MEI4: variants seen among roughly 807,000 people sequenced by gnomAD.
The protein encoded by MEI4 is meiosis-specific protein MEI4.
Under a neutral mutation model 31.4 loss-of-function variants are expected in MEI4, and 27 were observed. That is an observed-to-expected ratio of 0.86 (90% CI 0.63 to 1.19). MEI4 has a LOEUF of 1.19. MEI4 is among the 50% of genes most tolerant of loss of function. The probability of loss-of-function intolerance (pLI) is 0.00; values close to 1 mark genes in which losing one functional copy is unlikely to be tolerated. For synonymous variants in MEI4, 122 were observed against 145.4 expected, an observed-to-expected ratio of 0.84 and a Z score of 1.16; for missense variants, 329 against 398.9, an observed-to-expected ratio of 0.82 and a Z score of 1.49.
At chr6:77,871,470 T>C (rs959169092) in intron 4 of MEI4, among the ~76,000 whole-genome samples, 1 of 152,172 alleles carries the variant, frequency 6.6e-6, no homozygotes, top group Non-Finnish European at 1.5e-5. Flanking sequence ...CCACATGTTC[T>C]CATTTATAAG....
At chr6:77,651,458 G>A (rs903626698), upstream of MEI4, among the ~76,000 whole-genome samples, 3 of 152,158 alleles carry the variant, frequency 2.0e-5, no homozygotes, top group East Asian at 5.8e-4. Flanking sequence ...TTCATAAAAT[G>A]CACATAACGT....
chr6:77,690,966 A>G, intron 2 of MEI4, 63 bp downstream of exon 2: 1 of 856,564 alleles, frequency 1.2e-6, no homozygotes. Context: ...TTGCACAATT[A>G]TTTAGAAATG....
chr6:77,739,331 A>T (rs1210783632), intron 2 of MEI4, among the ~76,000 whole-genome samples: 1 of 152,134 alleles, frequency 6.6e-6, no homozygotes, highest in Non-Finnish European at 1.5e-5. Context: ...ACTATTTATT[A>T]AATAGGGAAT....
At chr6:77,880,844 T>G in intron 4 of MEI4, among the ~76,000 whole-genome samples, 1 of 152,146 alleles carries the variant, frequency 6.6e-6, no homozygotes, top group East Asian at 1.9e-4. Context: ...TTTTCCTTTC[T>G]GAGTTATTCA....
chr6:77,807,147 GTTT>G (rs11336125), intron 3 of MEI4, among the ~76,000 whole-genome samples: 1 of 142,994 alleles, frequency 7.0e-6, no homozygotes, highest in East Asian at 2.1e-4. Flanking sequence ...TGCTTCATAA[GTTT>G]TTTTTTTTTT....
In MEI4 at chr6:77,737,044, A is replaced by G. The variant is rs980664526; in HGVS notation, c.233-24086A>G. On this transcript the variant is annotated intron_variant, in intron 2 of 4. Transcript: ENST00000684080. The stretch of plus-strand genomic sequence containing the variant: ...AGGAGGTGTTCTAGAAAATAAGATG[A>G]CAAACTAGGTTGAAGCCTAGTAAGA... Among the ~76,000 whole-genome samples, 5 of 152,296 alleles carry G rather than the reference A, an allele frequency of 3.3e-5. No homozygotes were observed. In the East Asian group the frequency reaches 9.7e-4, roughly 29 times the overall value.
intron 2 of MEI4, among the ~76,000 whole-genome samples, chr6:77,731,006 T>G (rs1194130128): frequency 1.3e-5 from 2 of 151,862 alleles, no homozygotes; most frequent in Non-Finnish European, 2.9e-5. Flanking sequence ...ATGTGCCACA[T>G]TTTCTTAATC....
At chr6:77,736,739 A>G (rs577749307) in intron 2 of MEI4, among the ~76,000 whole-genome samples, 2 of 152,212 alleles carry the variant, frequency 1.3e-5, no homozygotes, top group Admixed American at 1.3e-4. Context: ...CCATAGCATC[A>G]CACAGTCTAG....
intron 4 of MEI4, among the ~76,000 whole-genome samples, chr6:77,868,455 G>A (rs1771106120): frequency 8.3e-6 from 1 of 120,220 alleles, no homozygotes; most frequent in Admixed American, 1.0e-4. Flanking sequence ...CAGATCAACA[G>A]TATCCATATT....
At chr6:77,769,675 G>A (rs1257892045) in intron 3 of MEI4, among the ~76,000 whole-genome samples, 3 of 152,138 alleles carry the variant, frequency 2.0e-5, no homozygotes, top group Admixed American at 1.3e-4. Flanking sequence ...GTAGAATAAG[G>A]CAACGGGCAG....
chr6:77,707,250 A>G (rs1561952965), intron 2 of MEI4, among the ~76,000 whole-genome samples: 1 of 152,170 alleles, frequency 6.6e-6, no homozygotes, highest in South Asian at 2.1e-4. Context: ...ACCCTAGCAA[A>G]GAACTTGACT....
chr6:77,656,303 T>C (rs1406087645), intron 1 of MEI4, among the ~76,000 whole-genome samples: 5 of 152,158 alleles, frequency 3.3e-5, no homozygotes, highest in Non-Finnish European at 7.4e-5. Context: ...TCTTTTCTTA[T>C]GACTTCCTAT....
At chr6:77,712,184 T>C (rs189034853) in intron 2 of MEI4, among the ~76,000 whole-genome samples, 309 of 152,328 alleles carry the variant, frequency 2.0e-3, no homozygotes, top group Non-Finnish European at 3.4e-3. Context: ...TTTGTTTGCA[T>C]ATACACACAC....
At chr6:77,827,360 T>TA (rs57446339) in intron 3 of MEI4, among the ~76,000 whole-genome samples, 5,649 of 67,772 alleles carry the variant, frequency 0.083, 445 homozygotes, top group East Asian at 0.2. Flanking sequence ...GACTCCATCT[T>TA]AAAAAAAAAA....
chr6:77,734,084 C>A (rs1181257474), intron 2 of MEI4, among the ~76,000 whole-genome samples: 3 of 151,820 alleles, frequency 2.0e-5, no homozygotes, highest in Admixed American at 1.3e-4. Flanking sequence ...TGGTGTGGTG[C>A]TGAAAAAAAT....
At chr6:77,693,851 A>G (rs1188649693) in intron 2 of MEI4, among the ~76,000 whole-genome samples, 2 of 152,096 alleles carry the variant, frequency 1.3e-5, no homozygotes, top group Admixed American at 1.3e-4. Context: ...ATATTATTAC[A>G]TATTTTTTCT....
chr6:77,807,401 G>C (rs1769466923), intron 3 of MEI4, among the ~76,000 whole-genome samples: 1 of 152,044 alleles, frequency 6.6e-6, no homozygotes. Context: ...TTATTTTAAA[G>C]CTCTTCATTA....
chr6:77,664,593 G>C (rs1424931131), intron 1 of MEI4, among the ~76,000 whole-genome samples: 1 of 151,890 alleles, frequency 6.6e-6, no homozygotes, highest in Admixed American at 6.6e-5. Context: ...GACCTAGCTC[G>C]GCCTGGTGAG....
chr6:77,701,425 T>C (rs888863246), intron 2 of MEI4, among the ~76,000 whole-genome samples: 1 of 152,054 alleles, frequency 6.6e-6, no homozygotes, highest in African/African-American at 2.4e-5. Context: ...TGAGTGTGTG[T>C]GCGGGTGGGG....
Sources: allele counts gnomAD v4.1 joint callset (sites outside exome capture counted in the v4.1 genomes callset), GRCh38; gene constraint gnomAD v4.1.1; transcripts MANE v1.5; gene names NCBI Gene and HGNC (gene_info 2026-07-23, HGNC 2026-07-21).